Variants in COP1 observed in about 807,000 individuals in gnomAD.
COP1 encodes COP1 E3 ubiquitin ligase, also known as E3 ubiquitin-protein ligase COP1.
Under a neutral mutation model 101.3 loss-of-function variants are expected in COP1, and 24 were observed. The observed-to-expected ratio is 0.24, with a 90% CI of 0.17 to 0.33. The LOEUF is 0.33. Among genes scored for constraint, COP1 ranks in the 10% least tolerant of loss-of-function variants. COP1 has a pLI of 1.00. For synonymous variants in COP1, 347 were observed against 341.9 expected (o/e 1.01, Z -0.17); for missense variants, 663 against 906.2 (o/e 0.73, Z 3.45).
At chr1:176,142,164 G>A (rs1027103173) in intron 6 of COP1, among the ~76,000 whole-genome samples, 1 of 151,978 alleles carries the variant, frequency 6.6e-6, no homozygotes, top group Non-Finnish European at 1.5e-5. Flanking sequence ...AATACCAGTA[G>A]GCTGATAAGT....
chr1:176,070,616 C>T (rs774228729), intron 11 of COP1, among the ~76,000 whole-genome samples: 6 of 151,956 alleles, frequency 3.9e-5, no homozygotes, highest in Admixed American at 2.0e-4. Flanking sequence ...GAGCCAAGAC[C>T]GCACCACTGC....
At chr1:175,969,987 T>A (rs1652921654) in intron 18 of COP1, among the ~76,000 whole-genome samples, 1 of 152,126 alleles carries the variant, frequency 6.6e-6, no homozygotes. Context: ...TTGATAAAAG[T>A]AGGCTCTCTG....
rs956972200 is a variant in COP1 at position 176,034,175 on chromosome 1, G to A, written c.1613-6487C>T. On this transcript the variant is annotated intron_variant, in intron 14 of 19. Transcript: ENST00000367669. ...AATTCTAAACTTAAATGAAATTCGGGATGAAGAGTACCATTTTTCCCCCTC... is the reference window on the plus strand; with the variant it reads ...AATTCTAAACTTAAATGAAATTCGGAATGAAGAGTACCATTTTTCCCCCTC... Among the ~76,000 whole-genome samples, 5 of 152,308 alleles carry A rather than the reference G, an allele frequency of 3.3e-5. 1 individual carries two copies. The South Asian group carries it at 1.0e-3, about 32-fold the overall frequency.
At chr1:176,177,647 G>T (rs1042054220) in intron 2 of COP1, among the ~76,000 whole-genome samples, 4 of 152,066 alleles carry the variant, frequency 2.6e-5, no homozygotes, top group African/African-American at 7.2e-5. Flanking sequence ...AAGGTGATCT[G>T]TAAAAATCAT....
At chr1:176,108,442 C>T (rs1684714492) in intron 9 of COP1, among the ~76,000 whole-genome samples, 1 of 152,044 alleles carries the variant, frequency 6.6e-6, no homozygotes, top group Non-Finnish European at 1.5e-5. Flanking sequence ...AGAATCATTC[C>T]TTGAAATAAA....
intron 18 of COP1, among the ~76,000 whole-genome samples, chr1:175,954,223 A>C (rs1277521192): frequency 6.6e-6 from 1 of 152,210 alleles, no homozygotes; most frequent in Non-Finnish European, 1.5e-5. Context: ...AACCATTTTG[A>C]ACTAAAAGAT....
intron 5 of COP1, among the ~76,000 whole-genome samples, chr1:176,153,585 T>C (rs1692969422): frequency 6.6e-6 from 1 of 152,206 alleles, no homozygotes; most frequent in Admixed American, 6.5e-5. Flanking sequence ...TCTTTCTTTC[T>C]ATGCTTGACT....
intron 11 of COP1, among the ~76,000 whole-genome samples, chr1:176,074,002 CT>C (rs1254041213): frequency 6.6e-6 from 1 of 152,204 alleles, no homozygotes; most frequent in Admixed American, 6.5e-5. Flanking sequence ...TCTCAGCTCA[CT>C]GCAACCTCTG....
chr1:175,955,136 AC>A lies in COP1; in HGVS notation c.2134-7898del, dbSNP rs556474035. On this transcript the variant is annotated intron_variant, in intron 18 of 19. Transcript: ENST00000367669. ...GTGGCATGCACCTGTAGTCCCAGCT[AC>A]CCAGAAGGTTGAGGTGGGAGAATCA... is the stretch of plus-strand genomic sequence containing the variant. Among the ~76,000 whole-genome samples, 968 of 152,190 alleles carry A rather than the reference AC, an allele frequency of 6.4e-3. 6 individuals are homozygous for A. The highest frequency in any genetic ancestry group is 0.01 in the Non-Finnish European group (702 of 67,996).
chr1:176,118,189 G>A (rs1461553941), intron 8 of COP1, among the ~76,000 whole-genome samples: 2 of 152,264 alleles, frequency 1.3e-5, no homozygotes, highest in African/African-American at 4.8e-5. Flanking sequence ...CATCAGAGAA[G>A]TATGAGATTT....
rs891576674 is a variant in COP1, at chr1:176,158,654, T to G, written c.762+4215A>C. Among the ~76,000 whole-genome samples, 13 of 122,736 alleles carry G rather than the reference T, an allele frequency of 1.1e-4. No individual in the cohort carries two copies. The Admixed American group carries it at 1.1e-3, about 11-fold the overall frequency. The allele number at this position is 122,736 out of a possible 152,430, so 80.5% of individuals were successfully genotyped here. On this transcript the variant is annotated intron_variant, in intron 5 of 19. Coordinates refer to ENST00000367669, the MANE Select transcript of COP1 (RefSeq NM_022457.7). ...TCTTTTTTTTTTTTTTTTTTTTTTT[T>G]GTGGAGATGGAGTCTTGCTCTGTCT... is the stretch of plus-strand genomic sequence containing the variant.
intron 15 of COP1, among the ~76,000 whole-genome samples, chr1:176,015,854 T>G (rs1400682782): frequency 1.3e-5 from 2 of 152,148 alleles, no homozygotes; most frequent in African/African-American, 4.8e-5. Flanking sequence ...GGCAGAAGCC[T>G]TGGTGAAGTG....
At chr1:176,078,413 A>G (rs1558060797) in intron 11 of COP1, among the ~76,000 whole-genome samples, 1 of 152,224 alleles carries the variant, frequency 6.6e-6, no homozygotes, top group Non-Finnish European at 1.5e-5. Flanking sequence ...TCCCTATTCA[A>G]TCAATGGTGC....
intron 2 of COP1, among the ~76,000 whole-genome samples, chr1:176,181,714 G>A (rs1436303337): frequency 6.6e-6 from 1 of 151,936 alleles, no homozygotes; most frequent in Non-Finnish European, 1.5e-5. Flanking sequence ...GGTGGCACAC[G>A]CCTGTAATCC....
chr1:176,111,047 G>A lies in COP1; in HGVS notation c.1026+5577C>T, dbSNP rs555023371. 2.9e-3 allele frequency among the ~76,000 whole-genome samples: 440 copies of A among 152,162 alleles called. 2 individuals are homozygous for A. The highest frequency in any genetic ancestry group is 1.0e-2 in the African/African-American group (414 of 41,532). ...TGTACCAGTAGCCCCAGCTACTTGG[G>A]AGGCTGAGGCAGGAGAATCACCTGA... is the stretch of plus-strand genomic sequence containing the variant. On this transcript the variant is annotated intron_variant, in intron 9 of 19. Coordinates refer to ENST00000367669, the MANE Select transcript of COP1 (RefSeq NM_022457.7).
At chr1:176,146,765 G>C (rs1691643643) in intron 6 of COP1, among the ~76,000 whole-genome samples, 1 of 152,106 alleles carries the variant, frequency 6.6e-6, no homozygotes, top group Non-Finnish European at 1.5e-5. Flanking sequence ...CATGTTTTAG[G>C]ACATCAAATT....
At chr1:176,196,017 TA>T (rs1332165854) in intron 1 of COP1, among the ~76,000 whole-genome samples, 1 of 152,080 alleles carries the variant, frequency 6.6e-6, no homozygotes, top group Non-Finnish European at 1.5e-5. Context: ...TAAAATAAAT[TA>T]AACAACATAC....
At chr1:175,988,226 T>G in intron 17 of COP1, 62 bp downstream of exon 17, 2 of 1,486,430 alleles carry the variant, frequency 1.3e-6, no homozygotes, top group Non-Finnish European at 1.8e-6. Context: ...CTATTTCCAC[T>G]GAGTTCAATT....
chr1:176,044,287 A>G (rs1038221426), intron 12 of COP1, among the ~76,000 whole-genome samples: 2 of 152,242 alleles, frequency 1.3e-5, no homozygotes, highest in African/African-American at 4.8e-5. Context: ...TTGACTAATT[A>G]TAACTTATGA....
Sources: gnomAD v4.1 joint callset for allele counts (sites outside exome capture counted in the v4.1 genomes callset) on GRCh38, gnomAD v4.1.1 for gene constraint, MANE v1.5 for transcripts, NCBI Gene and HGNC (gene_info 2026-07-23, HGNC 2026-07-21) for gene names.